BFSP1: variants seen among roughly 807,000 people sequenced by gnomAD.
BFSP1 encodes filensin.
BFSP1 carries 38 observed loss-of-function variants against 43.9 expected under a neutral mutation model. That is an observed-to-expected ratio of 0.87 (90% confidence interval 0.67 to 1.14). The LOEUF is 1.14. Among genes scored for constraint, BFSP1 ranks in the 50% most tolerant of loss-of-function variants. The pLI, the probability that BFSP1 is intolerant of heterozygous loss-of-function variation, is 0.00. For synonymous variants in BFSP1, 352 were observed against 354.8 expected, an observed-to-expected ratio of 0.99 and a Z score of 0.09; for missense variants, 850 against 875.1, an observed-to-expected ratio of 0.97 and a Z score of 0.36.
intron 6 of BFSP1, among the ~76,000 whole-genome samples, chr20:17,498,344 C>A (rs1296060912): frequency 6.6e-6 from 1 of 152,212 alleles, no homozygotes; most frequent in East Asian, 1.9e-4. Flanking sequence ...ATAGTCACAG[C>A]CACAGACTGA....
upstream of BFSP1, among the ~76,000 whole-genome samples, chr20:17,534,042 T>C: frequency 6.6e-6 from 1 of 152,256 alleles, no homozygotes; most frequent in Non-Finnish European, 1.5e-5. Context: ...GCAATCCTGC[T>C]ATGTGCTTAG....
At chr20:17,503,492 A>G (rs967213429) in intron 5 of BFSP1, among the ~76,000 whole-genome samples, 7 of 152,154 alleles carry the variant, frequency 4.6e-5, no homozygotes, top group Admixed American at 1.3e-4. Flanking sequence ...GCTCATGCTG[A>G]TAAGTCCTAA....
At chr20:17,538,906 G>A (rs138076516) in intron 1 of BFSP1, among the ~76,000 whole-genome samples, 51 of 152,040 alleles carry the variant, frequency 3.4e-4, no homozygotes, top group African/African-American at 1.2e-3. Context: ...TTCAAGTTGG[G>A]TCAGCCTACA....
In BFSP1 at chr20:17,514,826, G is replaced by A; in HGVS notation, c.439-10C>T. 1 of 1,612,716 alleles carries A rather than the reference G, an allele frequency of 6.2e-7. No homozygotes were observed. The highest frequency in any genetic ancestry group is 8.5e-7 in the Non-Finnish European group (1 of 1,179,352). On this transcript the variant is annotated splice_polypyrimidine_tract_variant and intron_variant, in intron 2 of 7. Coordinates refer to ENST00000377873, the MANE Select transcript of BFSP1 (RefSeq NM_001195.5). ...AGGCTTCATCAGCTTCCTGCAATGA[G>A]AGCCACATATCCCTGGCCACAGGCA...
chr20:17,518,042 G>T (rs766212418), intron 2 of BFSP1, among the ~76,000 whole-genome samples: 3 of 152,132 alleles, frequency 2.0e-5, no homozygotes, highest in Non-Finnish European at 4.4e-5. Flanking sequence ...TCTCTCCAAG[G>T]CTCCTCCTGA....
intron 1 of BFSP1, among the ~76,000 whole-genome samples, chr20:17,557,187 G>T (rs1194307939): frequency 6.6e-6 from 1 of 152,238 alleles, no homozygotes; most frequent in Non-Finnish European, 1.5e-5. Flanking sequence ...AATACAGAGG[G>T]CCAGGCCGTG....
chr20:17,568,759 G>C (rs1227881090), intron 1 of BFSP1, among the ~76,000 whole-genome samples: 2 of 151,882 alleles, frequency 1.3e-5, no homozygotes, highest in Non-Finnish European at 2.9e-5. Flanking sequence ...ATGTTGAGTG[G>C]GGCAGAACAA....
chr20:17,536,785 C>T lies in BFSP1; in HGVS notation c.3-11877G>A, dbSNP rs113046582. Among the ~76,000 whole-genome samples the T allele has an allele frequency of 4.9e-3, 753 of 152,252 alleles. 3 individuals are homozygous for T. Among genetic ancestry groups the T allele is most frequent in the Non-Finnish European group, 7.7e-3 (523 of 68,018 alleles). On this transcript the variant is annotated intron_variant, in intron 1 of 7. Coordinates refer to the BFSP1 transcript ENST00000377868. ...ATATATTCCTTAGAGGTGGGTTTCA[C>T]GTTAGGTCTCTGCTGCCTACTATTG...
Position 17,567,644 on chromosome 20 carries a change from C to A in BFSP1, n.50+1527G>T, listed in dbSNP as rs1435619119. 1.1e-4 allele frequency among the ~76,000 whole-genome samples: 16 copies of A among 152,168 alleles called. No homozygotes were observed. The East Asian group carries it at 2.9e-3, about 28-fold the overall frequency. The stretch of plus-strand genomic sequence containing the variant: ...TGGGAGGCCAAGGTGGCCAGATCAC[C>A]TGAGGTCGGGAGTTCAAGACCAGCC... On this transcript the variant is annotated intron_variant and non_coding_transcript_variant, in intron 1 of 6. Coordinates refer to the BFSP1 transcript ENST00000473415.
chr20:17,567,136 G>A (rs1170447205), intron 1 of BFSP1, among the ~76,000 whole-genome samples: 1 of 152,180 alleles, frequency 6.6e-6, no homozygotes, highest in Non-Finnish European at 1.5e-5. Flanking sequence ...GTGTGGAGAG[G>A]AGGAATGTCA....
At chr20:17,523,603 C>A (rs2034359550) in intron 2 of BFSP1, among the ~76,000 whole-genome samples, 1 of 150,388 alleles carries the variant, frequency 6.6e-6, no homozygotes, top group Non-Finnish European at 1.5e-5. Flanking sequence ...GTCCTCAGGG[C>A]CTTCCTGAAG....
rs543080105 is a variant in BFSP1 at position 17,530,084 on chromosome 20, A to G, written c.377+869T>C. ...CTGAAAATCACCTGGGGAGCTTGTT[A>G]AAATGCAGATTCTGATTCTGGAGTT... On this transcript the variant is annotated intron_variant, in intron 1 of 7. Transcript: ENST00000377873. Among the ~76,000 whole-genome samples, 4 of 152,336 alleles carry G rather than the reference A, an allele frequency of 2.6e-5. No homozygotes were observed. In the South Asian group the frequency reaches 8.3e-4, roughly 32 times the overall value.
chr20:17,539,585 T>C (rs2034683091), intron 1 of BFSP1, among the ~76,000 whole-genome samples: 1 of 151,702 alleles, frequency 6.6e-6, no homozygotes, highest in East Asian at 1.9e-4. Context: ...TGTCGCTATA[T>C]ATAAAAAATA....
In BFSP1 at chr20:17,509,274, G is replaced by T. The variant is rs41276392; in HGVS notation, c.628-278C>A. ...CCCCCACCCCCTGTCTGTCTGTCAC[G>T]TGAGACACAGCAAGAAGGCAGCCGT... is the stretch of plus-strand genomic sequence containing the variant. On this transcript the variant is annotated intron_variant, in intron 4 of 7. Transcript: ENST00000377873. Among the ~76,000 whole-genome samples, 8,807 of 123,280 alleles carry T rather than the reference G, an allele frequency of 0.071. 318 individuals carry two copies. Among genetic ancestry groups the T allele is most frequent in the Middle Eastern group, 0.13 (27 of 214 alleles). The allele number at this position is 123,280 out of a possible 152,430, so 80.9% of individuals were successfully genotyped here. A position where few individuals can be genotyped will look rare whatever the true frequency, so the allele number is the denominator to read the frequency against.
At chr20:17,515,093 TG>T (rs1236156215) in intron 2 of BFSP1, among the ~76,000 whole-genome samples, 1 of 152,190 alleles carries the variant, frequency 6.6e-6, no homozygotes, top group Non-Finnish European at 1.5e-5. Context: ...ACCACTTTAG[TG>T]GTAGGGTCCT....
At chr20:17,558,701 CA>C (rs1256599487) in exon 1 of BFSP1, 1 of 1,552,052 alleles carries the variant, frequency 6.4e-7, no homozygotes, top group South Asian at 1.2e-5. Context: ...CTTTCTCCAG[CA>C]TGGAGGCTCC....
intron 1 of BFSP1, among the ~76,000 whole-genome samples, chr20:17,546,272 A>G (rs2034799565): frequency 6.6e-6 from 1 of 152,190 alleles, no homozygotes; most frequent in Non-Finnish European, 1.5e-5. Flanking sequence ...TGCAAGAAGA[A>G]CTACCATTTA....
At chr20:17,515,845 A>C (rs570319027) in intron 2 of BFSP1, among the ~76,000 whole-genome samples, 1 of 152,364 alleles carries the variant, frequency 6.6e-6, no homozygotes, top group Admixed American at 6.5e-5. Context: ...AATGAGTCTT[A>C]GCAATGGGCT....
chr20:17,497,457 T>TACACACAC (rs200390071), intron 6 of BFSP1, among the ~76,000 whole-genome samples: 8,633 of 71,984 alleles, frequency 0.12, 343 homozygotes, highest in Non-Finnish European at 0.15. Context: ...TGTATATATA[T>TACACACAC]ATACACACAC....
Sources: gnomAD v4.1 joint callset for allele counts (sites outside exome capture counted in the v4.1 genomes callset) on GRCh38, gnomAD v4.1.1 for gene constraint, MANE v1.5 for transcripts, NCBI Gene and HGNC (gene_info 2026-07-23, HGNC 2026-07-21) for gene names.